SLC1A2: variants seen among roughly 807,000 people sequenced by gnomAD.
SLC1A2 encodes solute carrier family 1 member 2.
In SLC1A2, 15 loss-of-function variants were observed where a neutral mutation model predicts 48.8. The ratio of observed to expected loss-of-function variants is 0.31; its 90% CI spans 0.21 to 0.47. SLC1A2 has a LOEUF of 0.47. Ranked by LOEUF, SLC1A2 falls within the 20% of genes least tolerant of loss-of-function variation. The pLI is 0.99. For missense variants in SLC1A2, 502 were observed against 730.5 expected, an observed-to-expected ratio of 0.69 and a Z score of 3.61; for synonymous variants, 279 against 272.6, an observed-to-expected ratio of 1.02 and a Z score of -0.23.
intron 1 of SLC1A2, among the ~76,000 whole-genome samples, chr11:35,401,891 C>T (rs958723340): frequency 1.3e-5 from 2 of 152,242 alleles, no homozygotes; most frequent in African/African-American, 2.4e-5. Context: ...TTCCAAGGCT[C>T]GGGCCCTCTA....
rs1412260828 is a variant in SLC1A2 at position 35,375,805 on chromosome 11, CT to C, written c.17+43144del. Among the ~76,000 whole-genome samples, 4 of 152,174 alleles carry C rather than the reference CT, an allele frequency of 2.6e-5. No homozygotes were observed. The South Asian group carries it at 8.3e-4, about 32-fold the overall frequency. ...CTAAGACAGACTGAGTGATCACCACCTGTGAAAAACTGTTCTACACACTTCA... is the reference window on the plus strand; with the variant it reads ...CTAAGACAGACTGAGTGATCACCACCGTGAAAAACTGTTCTACACACTTCA... On this transcript the variant is annotated intron_variant, in intron 1 of 10. Transcript: ENST00000278379.
At chr11:35,317,291 G>A (rs1165679916) in intron 2 of SLC1A2, 86 bp downstream of exon 2, 1 of 1,454,744 alleles carries the variant, frequency 6.9e-7, no homozygotes, top group South Asian at 1.3e-5. Context: ...CTGGTGGAAG[G>A]GCTGGCTGCT....
chr11:35,407,709 C>A (rs866832863), intron 1 of SLC1A2, among the ~76,000 whole-genome samples: 1 of 152,166 alleles, frequency 6.6e-6, no homozygotes. Context: ...ACGATTTGAC[C>A]TCTCCATAGC....
chr11:35,314,855 T>C (rs1031480578), intron 3 of SLC1A2, 168 bp downstream of exon 3: 1 of 462,946 alleles, frequency 2.2e-6, no homozygotes, highest in Admixed American at 3.5e-5. Flanking sequence ...CAAGCTTTTA[T>C]TTCTTTAGGG....
rs980115237 is a variant in SLC1A2 at position 35,260,528 on chromosome 11, C to T, written c.*366G>A. Reference sequence around the variant, plus strand: ...GTGTGTTTGCTCATTTTCCCAAGTCCCTGGAGTGTACCACACTGCTTTACT... The same window carrying T: ...GTGTGTTTGCTCATTTTCCCAAGTCTCTGGAGTGTACCACACTGCTTTACT... On this transcript the variant is annotated 3_prime_UTR_variant, in exon 11 of 11. Transcript: ENST00000278379. The T allele has an allele frequency of 4.6e-6, 1 of 216,932 alleles. No homozygotes were observed. The highest frequency in any genetic ancestry group is 7.5e-5 in the South Asian group (1 of 13,352). The allele number at this position is 216,932 out of a possible 1,614,324, so 13.4% of individuals were successfully genotyped here. A position where few individuals can be genotyped will look rare whatever the true frequency, so the allele number is the denominator to read the frequency against.
intron 9 of SLC1A2, among the ~76,000 whole-genome samples, chr11:35,268,859 G>A (rs1850183836): frequency 6.6e-6 from 1 of 152,112 alleles, no homozygotes. Context: ...AACACAGGCG[G>A]TACCATTCCA....
chr11:35,290,178 T>C (rs61882292), intron 7 of SLC1A2, among the ~76,000 whole-genome samples: 39,260 of 152,064 alleles, frequency 0.26, 5,227 homozygotes, highest in Admixed American at 0.3. Flanking sequence ...GCTTCAAAAC[T>C]GTCAATGTGC....
chr11:35,370,986 A>G (rs945714943), intron 1 of SLC1A2: 3 of 985,258 alleles, frequency 3.0e-6, no homozygotes, highest in African/African-American at 1.7e-5. Context: ...GGGTACAGAC[A>G]GTCCCAAAGG....
At chr11:35,351,342 A>G (rs964569522) in intron 1 of SLC1A2, among the ~76,000 whole-genome samples, 2 of 152,144 alleles carry the variant, frequency 1.3e-5, no homozygotes, top group Non-Finnish European at 2.9e-5. Context: ...TGACCAGAAC[A>G]TCTCTGCTTT....
chr11:35,355,338 TC>T (rs1328111038), intron 1 of SLC1A2, among the ~76,000 whole-genome samples: 2 of 152,164 alleles, frequency 1.3e-5, no homozygotes, highest in African/African-American at 4.8e-5. Context: ...ACTTCCCTCC[TC>T]CCAACCCTTC....
intron 1 of SLC1A2, among the ~76,000 whole-genome samples, chr11:35,326,728 G>A (rs971522443): frequency 1.3e-5 from 2 of 152,192 alleles, no homozygotes; most frequent in Non-Finnish European, 2.9e-5. Flanking sequence ...CAATTCTTTT[G>A]TGAGATGATG....
At chr11:35,277,504 T>C (rs1850480102) in intron 9 of SLC1A2, among the ~76,000 whole-genome samples, 1 of 152,220 alleles carries the variant, frequency 6.6e-6, no homozygotes, top group South Asian at 2.1e-4. Context: ...ATCATATTAG[T>C]GCATTTTTTT....
Position 35,353,212 on chromosome 11 carries a change from CCTT to C in SLC1A2, c.18-35699_18-35697del, listed in dbSNP as rs1051318090. Reference sequence around the variant, plus strand: ...TGGAGTGAATGTGGCTGTTTAGAAACCTTCTGATAGAGACAGATGGGGTTGGGA... The same window carrying C: ...TGGAGTGAATGTGGCTGTTTAGAAACCTGATAGAGACAGATGGGGTTGGGA... On this transcript the variant is annotated intron_variant, in intron 1 of 10. Coordinates refer to ENST00000278379, the MANE Select transcript of SLC1A2 (RefSeq NM_004171.4). 3.3e-5 allele frequency among the ~76,000 whole-genome samples: 5 copies of C among 152,150 alleles called. No individual in the cohort carries two copies. In the South Asian group the frequency reaches 6.2e-4, roughly 19 times the overall value.
chr11:35,266,857 T>C lies in SLC1A2; in HGVS notation c.1422-1099A>G, dbSNP rs190322369. On this transcript the variant is annotated intron_variant, in intron 9 of 10. Coordinates refer to ENST00000278379, the MANE Select transcript of SLC1A2 (RefSeq NM_004171.4). ...TGGAACAAAGACTCTAAATGAATTC[T>C]AGTTGCTATTATCAAATCTATTTCT... is the stretch of plus-strand genomic sequence containing the variant. 2.6e-3 allele frequency among the ~76,000 whole-genome samples: 390 copies of C among 152,368 alleles called. 2 individuals are homozygous for C. Among genetic ancestry groups the C allele is most frequent in the African/African-American group, 8.8e-3 (364 of 41,592 alleles).
chr11:35,392,052 T>C (rs1245762847), intron 1 of SLC1A2, among the ~76,000 whole-genome samples: 1 of 152,226 alleles, frequency 6.6e-6, no homozygotes, highest in Non-Finnish European at 1.5e-5. Flanking sequence ...GTTTGCAGAA[T>C]GATACCTTAT....
At chr11:35,325,808 C>CA (rs1397222031) in intron 1 of SLC1A2, among the ~76,000 whole-genome samples, 1 of 151,508 alleles carries the variant, frequency 6.6e-6, no homozygotes, top group East Asian at 1.9e-4. Flanking sequence ...ACTAAAAATA[C>CA]AAAAAATTAG....
chr11:35,343,893 G>T (rs184455356), intron 1 of SLC1A2, among the ~76,000 whole-genome samples: 2 of 152,028 alleles, frequency 1.3e-5, no homozygotes, highest in East Asian at 3.9e-4. Context: ...AATTAATAAT[G>T]ATGTACAAGC....
At chr11:35,262,778 T>TA (rs1950412826) in intron 10 of SLC1A2, among the ~76,000 whole-genome samples, 1 of 152,160 alleles carries the variant, frequency 6.6e-6, no homozygotes, top group Non-Finnish European at 1.5e-5. Context: ...ACAATTTCAT[T>TA]AAAAATGTAA....
chr11:35,361,464 C>A (rs752230284), intron 1 of SLC1A2, among the ~76,000 whole-genome samples: 4 of 152,196 alleles, frequency 2.6e-5, no homozygotes, highest in Non-Finnish European at 5.9e-5. Context: ...CCTAACATAG[C>A]ACACAGGCCC....
Sources: allele counts gnomAD v4.1 joint callset (sites outside exome capture counted in the v4.1 genomes callset), GRCh38; gene constraint gnomAD v4.1.1; transcripts MANE v1.5; gene names NCBI Gene and HGNC (gene_info 2026-07-23, HGNC 2026-07-21).